The following GINS3 variants were observed in gnomAD, a reference collection of about 807,000 sequenced individuals.
The protein encoded by GINS3 is GINS complex subunit 3.
Under a neutral mutation model 20.0 loss-of-function variants are expected in GINS3, and 18 were observed. That is an observed-to-expected ratio of 0.90 (90% CI 0.62 to 1.33). The LOEUF is 1.33. Ranked by LOEUF, GINS3 falls within the 40% of genes most tolerant of loss-of-function variation. The pLI is 0.00. For synonymous variants in GINS3, 109 were observed against 107.0 expected (o/e 1.02, Z -0.12); for missense variants, 254 against 273.6 (o/e 0.93, Z 0.51).
intron 1 of GINS3, among the ~76,000 whole-genome samples, chr16:58,395,723 G>A (rs887548457): frequency 1.3e-5 from 2 of 152,140 alleles, no homozygotes; most frequent in Admixed American, 6.5e-5. Flanking sequence ...AGTCTCCCAC[G>A]TCTACTTGTT....
chr16:58,392,498 C>T lies in GINS3; in HGVS notation c.-104C>T. The T allele has an allele frequency of 1.5e-6, 2 of 1,321,568 alleles. No individual in the cohort carries two copies. The highest frequency in any genetic ancestry group is 1.1e-6 in the Non-Finnish European group (1 of 950,876). The allele number at this position is 1,321,568 out of a possible 1,614,324, so 81.9% of individuals were successfully genotyped here. ...ACGAGTTTCAATCCACTTTCCTGAC[C>T]CCAACCATCCTGCCCAGTCTCCGCT... On this transcript the variant is annotated 5_prime_UTR_variant, in exon 1 of 3. Coordinates refer to ENST00000318129, the MANE Select transcript of GINS3 (RefSeq NM_022770.4).
In GINS3 at chr16:58,392,727, C is replaced by T. The variant is rs775831664; in HGVS notation, c.126C>T (p.Arg42=). 1 of 1,614,150 alleles carries T rather than the reference C, an allele frequency of 6.2e-7. No individual in the cohort carries two copies. Among genetic ancestry groups the T allele is most frequent in the Non-Finnish European group, 8.5e-7 (1 of 1,180,036 alleles). Residue 42 remains arginine (R), a synonymous_variant, in exon 1 of 3, where the codon CGC becomes CGT. Coordinates refer to ENST00000318129, the MANE Select transcript of GINS3 (RefSeq NM_022770.4). ...TGCGCACGGAGACCGCCATGCCTCG[C>T]CTTGGCGCTTTCTTCCTGGAGCGGA... ...LPVRTETAMP[R]LGAFFLERSA...
intron 1 of GINS3, among the ~76,000 whole-genome samples, chr16:58,397,800 A>AGAGAGGGAGAGGGAGACCGTGGG (rs1299125314): frequency 1.3e-5 from 2 of 151,824 alleles, no homozygotes; most frequent in African/African-American, 2.4e-5. Context: ...GACCGTGGAA[A>AGAGAGGGAGAGGGAGACCGTGGG]GAGAGGGAGA....
chr16:58,392,973 A>G lies in GINS3; in HGVS notation c.186+186A>G, dbSNP rs564876085. 4.5e-4 allele frequency among the ~76,000 whole-genome samples: 69 copies of G among 152,360 alleles called. 2 individuals are homozygous for G. The South Asian group carries it at 0.011, about 25-fold the overall frequency. ...TCCCTTCGCGCTCGGGGTGGTCTCC[A>G]GACTTCTTGTTCGCCATCTGTGGTG... is the stretch of plus-strand genomic sequence containing the variant. On this transcript the variant is annotated intron_variant, in intron 1 of 2. Coordinates refer to ENST00000318129, the MANE Select transcript of GINS3 (RefSeq NM_022770.4).
At chr16:58,392,915 G>A (rs1965803224) in intron 1 of GINS3, 128 bp downstream of exon 1, 1 of 1,025,708 alleles carries the variant, frequency 9.7e-7, no homozygotes, top group Non-Finnish European at 1.4e-6. Context: ...CAGGGCCGAA[G>A]GCGCTAACGA....
At chr16:58,402,346 C>T (rs1965968192) in intron 1 of GINS3, among the ~76,000 whole-genome samples, 1 of 152,166 alleles carries the variant, frequency 6.6e-6, no homozygotes, top group Non-Finnish European at 1.5e-5. Context: ...GCCCTCATGT[C>T]CTGGTGGTGT....
At chr16:58,396,898 C>A (rs1378736011) in intron 1 of GINS3, among the ~76,000 whole-genome samples, 1 of 148,656 alleles carries the variant, frequency 6.7e-6, no homozygotes, top group African/African-American at 2.5e-5. Flanking sequence ...GGCTGACCCC[C>A]CCACCTCCTT....
Position 58,403,492 on chromosome 16 carries a change from T to TACAC in GINS3, c.420+162_420+163insCACA, listed in dbSNP as rs371591519. ...TCTGTCCATTTTATATATTTACATA[T>TACAC]ATACACACACACACACACACACACA... On this transcript the variant is annotated intron_variant, in intron 2 of 2. Transcript: ENST00000318129. 3,070 of 593,266 alleles carry TACAC rather than the reference T, an allele frequency of 5.2e-3. 29 individuals carry two copies. Among genetic ancestry groups the TACAC allele is most frequent in the African/African-American group, 0.028 (1,462 of 52,572 alleles). 36.8% of individuals were successfully genotyped at this position (593,266 alleles called of 1,614,324 possible).
chr16:58,395,335 A>ATT (rs1387165036), intron 1 of GINS3: 8 of 150,898 alleles, frequency 5.3e-5, no homozygotes, highest in Admixed American at 8.4e-5. Flanking sequence ...ATATATATAT[A>ATT]TATTTTTTTT....
chr16:58,396,281 C>T (rs1965855902), intron 1 of GINS3, among the ~76,000 whole-genome samples: 1 of 132,080 alleles, frequency 7.6e-6, no homozygotes, highest in African/African-American at 3.0e-5. Context: ...CCCCACCTCC[C>T]TCCCGGACGG....
At position 58,404,385 on chromosome 16, in the gene GINS3, G is replaced by A. The variant is rs1038718955; in HGVS notation, c.421-114G>A. The stretch of plus-strand genomic sequence containing the variant: ...AGAGGGAATTCAGACCTCCTTCTGA[G>A]TCCTACACATCATTCTTTCTTTTCA... On this transcript the variant is annotated intron_variant, in intron 2 of 2. Transcript: ENST00000318129. 4.2e-6 allele frequency: 3 copies of A among 711,028 alleles called. No individual in the cohort carries two copies. The African/African-American group carries it at 5.3e-5, about 13-fold the overall frequency. The allele number at this position is 711,028 out of a possible 1,614,324, so 44.0% of individuals were successfully genotyped here. A position where few individuals can be genotyped will look rare whatever the true frequency, so the allele number is the denominator to read the frequency against.
chr16:58,403,340 T>C lies in GINS3; in HGVS notation c.420+9T>C. ...CCCAGTCTCTGCTGCAGGCAAGTAATGGGTGTGAAAACCTGTGGTGCTGCA... is the reference window on the plus strand; with the variant it reads ...CCCAGTCTCTGCTGCAGGCAAGTAACGGGTGTGAAAACCTGTGGTGCTGCA... On this transcript the variant is annotated intron_variant, in intron 2 of 2. Coordinates refer to ENST00000318129, the MANE Select transcript of GINS3 (RefSeq NM_022770.4). The C allele has an allele frequency of 6.2e-7, 1 of 1,609,192 alleles. No homozygotes were observed. The highest frequency in any genetic ancestry group is 8.5e-7 in the Non-Finnish European group (1 of 1,176,214).
Position 58,404,616 on chromosome 16 carries a change from C to T in GINS3, c.538C>T (p.Gln180Ter), listed in dbSNP as rs1966003457. 5 of 1,614,066 alleles carry T rather than the reference C, an allele frequency of 3.1e-6. No individual in the cohort carries two copies. The highest frequency in any genetic ancestry group is 4.2e-6 in the Non-Finnish European group (5 of 1,179,960). Reference protein sequence around the residue: ...EMERGLFQTGQKGLNDFQCWE... With the variant: ...EMERGLFQTG ...GGAGAGGGGCTTATTTCAAACAGGG[C>T]AGAAAGGACTGAATGACTTTCAGTG... Residue 180 changes from glutamine (Q) to a stop codon, truncating the protein, a stop_gained, in exon 3 of 3, where the codon CAG (glutamine) becomes TAG (stop). Coordinates refer to ENST00000318129, the MANE Select transcript of GINS3 (RefSeq NM_022770.4). LOFTEE classifies it high-confidence loss of function.
chr16:58,401,449 C>T (rs1203028122), intron 1 of GINS3, among the ~76,000 whole-genome samples: 1 of 152,112 alleles, frequency 6.6e-6, no homozygotes, highest in Non-Finnish European at 1.5e-5. Context: ...TGCTTTTATT[C>T]CCTTATTTGG....
intron 1 of GINS3, among the ~76,000 whole-genome samples, chr16:58,394,689 C>G (rs1198309495): frequency 6.6e-6 from 1 of 152,130 alleles, no homozygotes; most frequent in Admixed American, 6.6e-5. Flanking sequence ...CAGCATTAGA[C>G]TTGATTATCA....
At chr16:58,402,118 A>G (rs1965964389) in intron 1 of GINS3, among the ~76,000 whole-genome samples, 1 of 151,820 alleles carries the variant, frequency 6.6e-6, no homozygotes, top group Non-Finnish European at 1.5e-5. Context: ...TTTTCTATTG[A>G]CCTTTTCTCA....
intron 1 of GINS3, among the ~76,000 whole-genome samples, chr16:58,397,836 G>A (rs541583549): frequency 6.6e-6 from 1 of 152,202 alleles, no homozygotes; most frequent in South Asian, 2.1e-4. Context: ...GAGGGAGAGG[G>A]AAAGGGAGAG....
chr16:58,394,473 A>G (rs1047744662), intron 1 of GINS3, among the ~76,000 whole-genome samples: 5 of 151,850 alleles, frequency 3.3e-5, no homozygotes, highest in African/African-American at 4.8e-5. Flanking sequence ...CAGCCTCCCA[A>G]GTAGCTGAGA....
At chr16:58,401,131 C>T (rs1396193986) in intron 1 of GINS3, among the ~76,000 whole-genome samples, 5 of 152,144 alleles carry the variant, frequency 3.3e-5, no homozygotes, top group African/African-American at 9.6e-5. Flanking sequence ...TCTCGCTGGT[C>T]TCGCTGACTT....
Sources: gnomAD v4.1 joint callset for allele counts (sites outside exome capture counted in the v4.1 genomes callset) on GRCh38, gnomAD v4.1.1 for gene constraint, MANE v1.5 for transcripts, NCBI Gene and HGNC (gene_info 2026-07-23, HGNC 2026-07-21) for gene names.